The following MIS18BP1 variants were observed in gnomAD, a reference collection of about 807,000 sequenced individuals.
MIS18BP1 encodes MIS18 binding protein 1.
MIS18BP1 carries 72 observed loss-of-function variants against 116.1 expected under a neutral mutation model. That is an observed-to-expected ratio of 0.62 (90% confidence interval 0.51 to 0.75). The LOEUF is 0.75. Ranked by LOEUF, MIS18BP1 falls within the 30% of genes least tolerant of loss-of-function variation. The pLI, the probability that MIS18BP1 is intolerant of heterozygous loss-of-function variation, is 0.00. For synonymous variants in MIS18BP1, 386 were observed against 427.0 expected, an observed-to-expected ratio of 0.90 and a Z score of 1.18; for missense variants, 1,363 against 1,303.2, an observed-to-expected ratio of 1.05 and a Z score of -0.71.
chr14:45,234,389 A>G (rs7160373), intron 6 of MIS18BP1, among the ~76,000 whole-genome samples: 27,022 of 152,042 alleles, frequency 0.18, 3,147 homozygotes, highest in African/African-American at 0.33. Flanking sequence ...CTGGAATAAC[A>G]TCCTTGAGTA....
In MIS18BP1 at chr14:45,253,106, C is replaced by G. The variant is rs952111679; in HGVS notation, c.-163G>C. On this transcript the variant is annotated 5_prime_UTR_variant, in exon 1 of 17. Transcript: ENST00000310806. ...GGCTCCGCGCGGAGAGAGGGCCGCA[C>G]GCCGCCGGGCTCGCGCCTCAGGCCC... 2 of 152,342 alleles carry G rather than the reference C, an allele frequency of 1.3e-5. No homozygotes were observed. The highest frequency in any genetic ancestry group is 4.8e-5 in the African/African-American group (2 of 41,460). The allele number at this position is 152,342 out of a possible 1,614,324, so 9.4% of individuals were successfully genotyped here.
At chr14:45,225,286 T>C (rs1375726716) in intron 10 of MIS18BP1, among the ~76,000 whole-genome samples, 1 of 152,324 alleles carries the variant, frequency 6.6e-6, no homozygotes, top group East Asian at 1.9e-4. Flanking sequence ...CTTTAAATAA[T>C]GCCATGTTTG....
intron 7 of MIS18BP1, chr14:45,231,512 G>A: frequency 4.7e-6 from 2 of 422,430 alleles, no homozygotes; most frequent in Non-Finnish European, 8.3e-6. Context: ...ACTCAAATAT[G>A]ATCTCCAAAC....
Position 45,242,457 on chromosome 14 carries a change from T to C in MIS18BP1, c.720A>G (p.Thr240=), listed in dbSNP as rs554062200. ...GTTTAGCCAACTGAGCTCTAGTTAA[T>C]GTCTTGTTTCGGGCTTCTACAGCCA... The part of the protein sequence containing the change: ...NFLAVEARNK[T]LTRAQLAKQI... Residue 240 remains threonine (T), a synonymous_variant, in exon 4 of 17, where the codon ACA becomes ACG. Coordinates refer to ENST00000310806, the MANE Select transcript of MIS18BP1 (RefSeq NM_018353.5). 4 of 1,611,100 alleles carry C rather than the reference T, an allele frequency of 2.5e-6. 1 individual carries two copies. The African/African-American group carries it at 5.4e-5, about 22-fold the overall frequency.
rs1822270877 is a variant in MIS18BP1, at chr14:45,218,437, G to C, written c.2687C>G (p.Pro896Arg). The C allele has an allele frequency of 6.2e-7, 1 of 1,604,624 alleles. No homozygotes were observed. Among genetic ancestry groups the C allele is most frequent in the Non-Finnish European group, 8.5e-7 (1 of 1,177,910 alleles). ...QKLHCAFASL[P>R]KHKPGFWSEV... ...TGACCAGAAACCAGGTTTGTGCTTT[G>C]GAAGAGATGCAAAAGCACTATGGAA... Residue 896 changes from proline (P) to arginine (R), a missense_variant, in exon 12 of 17, where the codon CCA becomes CGA. Transcript: ENST00000310806.
Position 45,227,781 on chromosome 14 carries a change from C to G in MIS18BP1, c.1628G>C (p.Gly543Ala), listed in dbSNP as rs1891166000. 2.5e-6 allele frequency: 4 copies of G among 1,613,956 alleles called. No individual in the cohort carries two copies. The highest frequency in any genetic ancestry group is 3.4e-6 in the Non-Finnish European group (4 of 1,179,918). Residue 543 changes from glycine (G) to alanine (A), a missense_variant, in exon 9 of 17, where the codon GGA (glycine) becomes GCA (alanine). Coordinates refer to ENST00000310806, the MANE Select transcript of MIS18BP1 (RefSeq NM_018353.5). The stretch of plus-strand genomic sequence containing the variant: ...GTGGCACATGTTTAATTCTGTAGCT[C>G]CTGGTGACTCACTGTGCTTATTACT... ...LKSNKHSESPGATELNMCHSN... is the reference protein window; with the variant it reads ...LKSNKHSESPAATELNMCHSN...
intron 14 of MIS18BP1, 99 bp downstream of exon 14, chr14:45,210,281 C>T: frequency 8.2e-7 from 1 of 1,217,912 alleles, no homozygotes. Context: ...TAAATAATGC[C>T]TCTTCCCATT....
chr14:45,234,299 C>T (rs750946126), intron 6 of MIS18BP1, among the ~76,000 whole-genome samples: 3 of 150,654 alleles, frequency 2.0e-5, no homozygotes, highest in Non-Finnish European at 2.9e-5. Context: ...AATTGTTTTG[C>T]TATAAATGAG....
In MIS18BP1 at chr14:45,224,782, C is replaced by A. The variant is rs550155949; in HGVS notation, c.1841-36G>T. On this transcript the variant is annotated intron_variant, in intron 10 of 16. Coordinates refer to ENST00000310806, the MANE Select transcript of MIS18BP1 (RefSeq NM_018353.5). Reference sequence around the variant, plus strand: ...ATAAGACAAAACCAAAGACCAAAATCTCAAATTAGCTATAAACAAATATAA... The same window carrying A: ...ATAAGACAAAACCAAAGACCAAAATATCAAATTAGCTATAAACAAATATAA... The A allele has an allele frequency of 4.4e-6, 6 of 1,369,726 alleles. No homozygotes were observed. In the African/African-American group the frequency reaches 8.8e-5, roughly 20 times the overall value. The allele number at this position is 1,369,726 out of a possible 1,614,324, so 84.8% of individuals were successfully genotyped here.
chr14:45,252,386 C>G (rs1447135591), intron 1 of MIS18BP1, among the ~76,000 whole-genome samples: 1 of 152,160 alleles, frequency 6.6e-6, no homozygotes, highest in African/African-American at 2.4e-5. Flanking sequence ...CATAGAATTG[C>G]ATTTGTTTAA....
chr14:45,231,784 A>G (rs549458323), intron 7 of MIS18BP1, among the ~76,000 whole-genome samples: 2 of 152,162 alleles, frequency 1.3e-5, no homozygotes. Context: ...GTTACCAGTT[A>G]TTATATTTGT....
At chr14:45,227,582 G>T in intron 9 of MIS18BP1, 81 bp downstream of exon 9, 7 of 1,143,782 alleles carry the variant, frequency 6.1e-6, no homozygotes, top group Non-Finnish European at 7.4e-6. Context: ...TCACGTCCCT[G>T]ATATGGTCCC....
intron 13 of MIS18BP1, among the ~76,000 whole-genome samples, chr14:45,216,276 T>TAC (rs1338149637): frequency 6.6e-6 from 1 of 152,214 alleles, no homozygotes; most frequent in African/African-American, 2.4e-5. Flanking sequence ...TACTAAAAGG[T>TAC]ACAATTCAAT....
chr14:45,224,326 A>G lies in MIS18BP1; in HGVS notation c.2261T>C (p.Ile754Thr), dbSNP rs867981781. The change falls in exon 11 of 17, where the codon ATA (isoleucine) becomes ACA (threonine). Residue 754 changes from isoleucine to threonine, a missense_variant. By Grantham distance (89) the Ile-to-Thr change is moderately conservative. Coordinates refer to ENST00000310806, the MANE Select transcript of MIS18BP1 (RefSeq NM_018353.5). ...NTRLLPKLKK[I>T]ENQVAMSFYK... is the part of the protein sequence containing the mutation. The stretch of plus-strand genomic sequence containing the variant: ...AAATGACATAGCTACCTGATTTTCT[A>G]TTTTCTTCAATTTTGGTAATAGTCT... 5 of 1,613,682 alleles carry G rather than the reference A, an allele frequency of 3.1e-6. No homozygotes were observed. Among genetic ancestry groups the G allele is most frequent in the East Asian group, 2.2e-5 (1 of 44,848 alleles).
At chr14:45,238,649 G>C (rs1891490857) in intron 4 of MIS18BP1, among the ~76,000 whole-genome samples, 2 of 152,148 alleles carry the variant, frequency 1.3e-5, no homozygotes, top group African/African-American at 4.8e-5. Flanking sequence ...GGGCAACATA[G>C]TAAGATTCCA....
chr14:45,242,648 T>C (rs1213904492), intron 3 of MIS18BP1, 113 bp downstream of exon 3: 4 of 1,459,766 alleles, frequency 2.7e-6, no homozygotes, highest in Non-Finnish European at 3.7e-6. Context: ...TCTTTTACGA[T>C]TCAAGCTTTT....
intron 13 of MIS18BP1, among the ~76,000 whole-genome samples, chr14:45,214,989 G>T (rs1890776805): frequency 6.6e-6 from 1 of 152,236 alleles, no homozygotes; most frequent in Non-Finnish European, 1.5e-5. Flanking sequence ...GATCTCAGGT[G>T]ATCTGCCCAC....
chr14:45,226,027 TTTC>T (rs58105720), intron 10 of MIS18BP1, among the ~76,000 whole-genome samples: 3,670 of 152,242 alleles, frequency 0.024, 145 homozygotes, highest in African/African-American at 0.084. Flanking sequence ...AGAAAAGTAT[TTTC>T]TTCTAACTCC....
rs765946316 is a variant in MIS18BP1, at chr14:45,242,503, T to G, written c.674A>C (p.Asn225Thr). 1 of 1,587,406 alleles carries G rather than the reference T, an allele frequency of 6.3e-7. No individual in the cohort carries two copies. The highest frequency in any genetic ancestry group is 1.2e-5 in the South Asian group (1 of 86,166). The change falls in exon 4 of 17, where the codon AAC becomes ACC. Residue 225 changes from asparagine to threonine, a missense_variant. Physicochemically the swap from Asn to Thr is moderately conservative, Grantham distance 65. Transcript: ENST00000310806. Reference sequence around the variant, plus strand: ...AGCCAAAAAATTTTCCTGTTCTTGGTTCAGAGTTGGAAGTTCTGCAAAAAA... The same window carrying G: ...AGCCAAAAAATTTTCCTGTTCTTGGGTCAGAGTTGGAAGTTCTGCAAAAAA... Reference protein sequence around the residue: ...HNLTYELPTLNQEQENFLAVE... With the variant: ...HNLTYELPTLTQEQENFLAVE...
Sources: allele counts gnomAD v4.1 joint callset (sites outside exome capture counted in the v4.1 genomes callset), GRCh38; gene constraint gnomAD v4.1.1; transcripts MANE v1.5; gene names NCBI Gene and HGNC (gene_info 2026-07-23, HGNC 2026-07-21).